Variants in ERCC3 observed in about 807,000 individuals in gnomAD.
ERCC3 encodes general transcription and DNA repair factor IIH helicase/translocase subunit XPB.
ERCC3 carries 66 observed loss-of-function variants against 94.2 expected under a neutral mutation model. The ratio of observed to expected loss-of-function variants is 0.70; its 90% CI spans 0.57 to 0.86. ERCC3 has a LOEUF of 0.86. ERCC3 is among the 40% of genes least tolerant of loss of function. The probability of loss-of-function intolerance (pLI) is 0.00; values close to 1 mark genes in which losing one functional copy is unlikely to be tolerated. For synonymous variants in ERCC3, 349 were observed against 369.1 expected (o/e 0.95, Z 0.63); for missense variants, 829 against 987.1 (o/e 0.84, Z 2.15).
chr2:127,282,243 T>C (rs755917087), intron 8 of ERCC3, among the ~76,000 whole-genome samples: 8 of 152,212 alleles, frequency 5.3e-5, no homozygotes, highest in Non-Finnish European at 1.0e-4. Flanking sequence ...GTCTGCCTCC[T>C]TTCTGAACTT....
At chr2:127,283,523 C>G (rs1684980327) in intron 8 of ERCC3, among the ~76,000 whole-genome samples, 1 of 152,218 alleles carries the variant, frequency 6.6e-6, no homozygotes, top group African/African-American at 2.4e-5. Context: ...ATATTATGAA[C>G]AGAGCTGCCA....
rs1684754261 is a variant in ERCC3 at position 127,277,068 on chromosome 2, G to A, written c.1730+2105C>T. 6.6e-6 allele frequency among the ~76,000 whole-genome samples: 1 copy of A among 152,154 alleles called. No homozygotes were observed. The highest frequency in any genetic ancestry group is 2.4e-5 in the African/African-American group (1 of 41,434). ...TGGAACATGTGCTCCATCAAAATGA[G>A]TAACCAAGAGGGTGGAGATTTCAGG... On this transcript the variant is annotated intron_variant, in intron 10 of 14. Transcript: ENST00000285398. The surrounding 1 kb of genome is among the most constrained non-coding windows in gnomAD (Gnocchi z 5.1).
chr2:127,270,661 T>C (rs755642400), intron 12 of ERCC3, among the ~76,000 whole-genome samples: 3 of 152,222 alleles, frequency 2.0e-5, no homozygotes, highest in African/African-American at 7.2e-5. Flanking sequence ...GCTTGTGTCC[T>C]TGTCTCAGGA....
In ERCC3 at chr2:127,285,203, G is replaced by A. The variant is rs1006999614; in HGVS notation, c.1342+1500C>T. ...AATCTATAGTGACAGCAGTTCAGTAGTCATCTGAAGCTAGATAGAGAAACA... is the reference window on the plus strand; with the variant it reads ...AATCTATAGTGACAGCAGTTCAGTAATCATCTGAAGCTAGATAGAGAAACA... On this transcript the variant is annotated intron_variant, in intron 8 of 14. Coordinates refer to ENST00000285398, the MANE Select transcript of ERCC3 (RefSeq NM_000122.2). Among the ~76,000 whole-genome samples, 8 of 152,304 alleles carry A rather than the reference G, an allele frequency of 5.3e-5. No homozygotes were observed. In the South Asian group the frequency reaches 1.2e-3, roughly 24 times the overall value.
intron 12 of ERCC3, among the ~76,000 whole-genome samples, chr2:127,263,441 T>C (rs1234182265): frequency 6.6e-6 from 1 of 152,218 alleles, no homozygotes; most frequent in Admixed American, 6.5e-5. Context: ...TACTGGTGTA[T>C]AGAAATGCTA....
chr2:127,273,592 A>T (rs1684635476), intron 10 of ERCC3, among the ~76,000 whole-genome samples: 1 of 151,842 alleles, frequency 6.6e-6, no homozygotes, highest in Non-Finnish European at 1.5e-5. Flanking sequence ...TCTACCAAAA[A>T]TACAAAATTA....
chr2:127,271,072 C>T lies in ERCC3; in HGVS notation c.1945+264G>A, dbSNP rs1684532658. 6.6e-6 allele frequency among the ~76,000 whole-genome samples: 1 copy of T among 152,232 alleles called. No individual in the cohort carries two copies. The highest frequency in any genetic ancestry group is 2.4e-5 in the African/African-American group (1 of 41,460). Reference sequence around the variant, plus strand: ...ACTGCCTTGCCCTGGCTCCCTCTCACCATCTACCAACACAGCTGCACAGTG... The same window carrying T: ...ACTGCCTTGCCCTGGCTCCCTCTCATCATCTACCAACACAGCTGCACAGTG... On this transcript the variant is annotated intron_variant, in intron 12 of 14. Transcript: ENST00000285398. This position sits in a 1 kb window ranked among gnomAD's most constrained non-coding sequence, Gnocchi z 5.0.
rs921102009 is a variant in ERCC3 at position 127,258,099 on chromosome 2, CTT to C, written c.2218-374_2218-373del. On this transcript the variant is annotated intron_variant, in intron 14 of 14. Transcript: ENST00000285398. This position sits in a 1 kb window ranked among gnomAD's most constrained non-coding sequence, Gnocchi z 4.1. ...CACTTAATAACAACTTCTGAACAAA[CTT>C]TTTTTTTTTAAGAGAGAAACAGGGT... Among the ~76,000 whole-genome samples, 2 of 147,752 alleles carry C rather than the reference CTT, an allele frequency of 1.4e-5. No homozygotes were observed. Among genetic ancestry groups the C allele is most frequent in the Admixed American group, 6.8e-5 (1 of 14,734 alleles).
rs1684999051 is a variant in ERCC3, at chr2:127,284,164, A to T, written c.1342+2539T>A. Reference sequence around the variant, plus strand: ...CCTTCATCCTTACTGGGATTCCACAAACTCACCTCACCGCTTCTGTCTTGC... The same window carrying T: ...CCTTCATCCTTACTGGGATTCCACATACTCACCTCACCGCTTCTGTCTTGC... On this transcript the variant is annotated intron_variant, in intron 8 of 14. Transcript: ENST00000285398. The surrounding 1 kb of genome is among the most constrained non-coding windows in gnomAD (Gnocchi z 4.1). The T allele has an allele frequency of 6.6e-6, 1 of 152,234 alleles. No individual in the cohort carries two copies. Among genetic ancestry groups the T allele is most frequent in the Non-Finnish European group, 1.5e-5 (1 of 68,084 alleles). 9.4% of individuals were successfully genotyped at this position (152,234 alleles called of 1,614,324 possible).
chr2:127,280,549 G>A lies in ERCC3; in HGVS notation c.1425C>T (p.Asp475=). ...TCAGAAAATTTAAATCCACAATTTT[G>A]TCATCTTCGCGGACGAGGGTCGCAG... ...GLTATLVRED[D]KIVDLNFLIG... Residue 475 remains aspartate, a synonymous_variant, in exon 9 of 15, where the codon GAC becomes GAT. Transcript: ENST00000285398. The surrounding 1 kb of genome is among the most constrained non-coding windows in gnomAD (Gnocchi z 6.3). 6.2e-7 allele frequency: 1 copy of A among 1,614,188 alleles called. No individual in the cohort carries two copies. Among genetic ancestry groups the A allele is most frequent in the African/African-American group, 1.3e-5 (1 of 75,052 alleles).
In ERCC3 at chr2:127,259,138, C is replaced by A. The variant is rs1253929660; in HGVS notation, c.2217+158G>T. 6.6e-6 allele frequency among the ~76,000 whole-genome samples: 1 copy of A among 152,188 alleles called. No individual in the cohort carries two copies. The highest frequency in any genetic ancestry group is 2.4e-5 in the African/African-American group (1 of 41,446). ...GTACAAGGGGCACACACCAAAAGGG[C>A]AACAAGGATTGTTTCTGTTCATCTC... On this transcript the variant is annotated intron_variant, in intron 14 of 14. Coordinates refer to ENST00000285398, the MANE Select transcript of ERCC3 (RefSeq NM_000122.2). The surrounding 1 kb of genome is among the most constrained non-coding windows in gnomAD (Gnocchi z 4.9).
chr2:127,290,518 G>T, intron 3 of ERCC3: 1 of 566,984 alleles, frequency 1.8e-6, no homozygotes, highest in Non-Finnish European at 3.2e-6. Flanking sequence ...GTTATAAAAC[G>T]CTGCTTAAAA....
At chr2:127,265,664 A>T (rs1022040447) in intron 12 of ERCC3, among the ~76,000 whole-genome samples, 3 of 152,100 alleles carry the variant, frequency 2.0e-5, no homozygotes, top group Admixed American at 1.3e-4. Flanking sequence ...TAATCCGCCC[A>T]CCTCGGCCTC....
chr2:127,262,233 G>A (rs1393179128), intron 12 of ERCC3: 1 of 152,268 alleles, frequency 6.6e-6, no homozygotes, highest in Non-Finnish European at 1.5e-5. Context: ...ACCCAGTCCT[G>A]TAATCCCAGC....
intron 8 of ERCC3, among the ~76,000 whole-genome samples, chr2:127,286,011 G>T (rs1685053786): frequency 6.6e-6 from 1 of 151,878 alleles, no homozygotes; most frequent in South Asian, 2.1e-4. Context: ...CATGATACTT[G>T]GAGAAGTAGG....
chr2:127,268,418 C>G (rs1398045550), intron 12 of ERCC3, among the ~76,000 whole-genome samples: 3 of 152,008 alleles, frequency 2.0e-5, no homozygotes, highest in Admixed American at 6.6e-5. Context: ...ACCACCACAC[C>G]CAGCTAGCTA....
rs1685190008 is a variant in ERCC3 at position 127,289,427 on chromosome 2, GA to G, written c.731del (p.Ile244ThrfsTer33). 6.2e-7 allele frequency: 1 copy of G among 1,613,170 alleles called. No individual in the cohort carries two copies. The part of the protein sequence containing the change: ...RVTDPQGKSD[I>X]PMDLFDFYEQ... The stretch of plus-strand genomic sequence containing the variant: ...CATAGAAGTCAAACAGGTCCATGGG[GA>G]TGTCAGATTTACCCTGTGGATCTGT... On this transcript the variant is annotated frameshift_variant, in exon 6 of 15. Coordinates refer to ENST00000285398, the MANE Select transcript of ERCC3 (RefSeq NM_000122.2). LOFTEE classifies it high-confidence loss of function.
Position 127,259,340 on chromosome 2 carries a change from C to T in ERCC3, c.2173G>A (p.Glu725Lys), listed in dbSNP as rs1192130599. 3 of 1,614,100 alleles carry T rather than the reference C, an allele frequency of 1.9e-6. No individual in the cohort carries two copies. The highest frequency in any genetic ancestry group is 2.2e-5 in the East Asian group (1 of 44,898). ...KVLAATDLDA[E>K]EEVVAGEFGS... ...AATTCCCCAGCCACCACCTCCTCCT[C>T]GGCATCCAGGTCAGTGGCTGCCAGG... Residue 725 changes from glutamate (E) to lysine (K), a missense_variant, in exon 14 of 15, where the codon GAG becomes AAG. Glu to Lys is a moderately conservative substitution (Grantham distance 56, BLOSUM62 1). Coordinates refer to ENST00000285398, the MANE Select transcript of ERCC3 (RefSeq NM_000122.2). This position sits in a 1 kb window ranked among gnomAD's most constrained non-coding sequence, Gnocchi z 4.9.
intron 12 of ERCC3, among the ~76,000 whole-genome samples, chr2:127,268,850 C>T (rs180851746): frequency 1.3e-3 from 199 of 152,294 alleles, no homozygotes; most frequent in Admixed American, 4.4e-3. Flanking sequence ...TACCTTTTCG[C>T]TTTAAGAAAG....
Sources: allele counts gnomAD v4.1 joint callset (sites outside exome capture counted in the v4.1 genomes callset), GRCh38; gene constraint gnomAD v4.1.1; non-coding constraint Gnocchi (gnomAD v3.1); transcripts MANE v1.5; gene names NCBI Gene and HGNC (gene_info 2026-07-23, HGNC 2026-07-21).